CDKAL1: variants seen among roughly 807,000 people sequenced by gnomAD.
CDKAL1 encodes the protein CDKAL1 threonylcarbamoyladenosine tRNA methylthiotransferase.
CDKAL1 carries 32 observed loss-of-function variants against 68.2 expected under a neutral mutation model. That is an observed-to-expected ratio of 0.47 (90% CI 0.35 to 0.63). CDKAL1 has a LOEUF of 0.63. CDKAL1 is among the 30% of genes least tolerant of loss of function. The pLI, the probability that CDKAL1 is intolerant of heterozygous loss-of-function variation, is 0.00. For missense variants in CDKAL1, 606 were observed against 696.7 expected (o/e 0.87, Z 1.47); for synonymous variants, 234 against 244.3 (o/e 0.96, Z 0.39).
chr6:21,139,743 A>G (rs1775807966), intron 13 of CDKAL1, among the ~76,000 whole-genome samples: 1 of 152,156 alleles, frequency 6.6e-6, no homozygotes, highest in Non-Finnish European at 1.5e-5. Context: ...CCTGGACTCA[A>G]GCAGTCCTCC....
intron 10 of CDKAL1, among the ~76,000 whole-genome samples, chr6:20,989,670 G>A (rs1766687203): frequency 6.6e-6 from 1 of 152,128 alleles, no homozygotes; most frequent in African/African-American, 2.4e-5. Flanking sequence ...TTTCTTAAAT[G>A]GAACAAAGGC....
intron 13 of CDKAL1, among the ~76,000 whole-genome samples, chr6:21,177,639 G>A (rs1424429988): frequency 6.6e-6 from 1 of 150,474 alleles, no homozygotes; most frequent in Non-Finnish European, 1.5e-5. Context: ...ACCTGGTTGG[G>A]TATTATTTAA....
chr6:20,769,859 A>C (rs560292938), intron 7 of CDKAL1, among the ~76,000 whole-genome samples: 1 of 152,300 alleles, frequency 6.6e-6, no homozygotes, highest in East Asian at 1.9e-4. Context: ...GCAGCAGTGT[A>C]CTATAATTTG....
chr6:21,210,950 C>G (rs910844028), intron 15 of CDKAL1, among the ~76,000 whole-genome samples: 1 of 152,184 alleles, frequency 6.6e-6, no homozygotes, highest in Non-Finnish European at 1.5e-5. Context: ...GCCCCATGCC[C>G]CATCTGCTTC....
intron 4 of CDKAL1, among the ~76,000 whole-genome samples, chr6:20,620,040 C>T (rs1581837144): frequency 1.3e-5 from 2 of 152,134 alleles, no homozygotes; most frequent in South Asian, 2.1e-4. Flanking sequence ...TCTGTGCAAG[C>T]GAACTCACGT....
At chr6:21,128,086 T>C (rs1775110718) in intron 13 of CDKAL1, among the ~76,000 whole-genome samples, 1 of 152,240 alleles carries the variant, frequency 6.6e-6, no homozygotes, top group Admixed American at 6.5e-5. Flanking sequence ...ACTTACAAGT[T>C]TTCTTTTGAC....
chr6:21,091,521 C>A (rs1172738927), intron 12 of CDKAL1, among the ~76,000 whole-genome samples: 1 of 152,170 alleles, frequency 6.6e-6, no homozygotes, highest in Non-Finnish European at 1.5e-5. Flanking sequence ...ATTCCCTCCC[C>A]AGCTCAGGCG....
At chr6:20,913,116 TACACACAC>T (rs70990080) in intron 9 of CDKAL1, among the ~76,000 whole-genome samples, 23,263 of 136,378 alleles carry the variant, frequency 0.17, 2,027 homozygotes, top group East Asian at 0.32. Flanking sequence ...CACAGTTGTT[TACACACAC>T]ACACACACAC....
At chr6:21,021,182 T>C (rs1374776892) in intron 11 of CDKAL1, among the ~76,000 whole-genome samples, 1 of 152,218 alleles carries the variant, frequency 6.6e-6, no homozygotes, top group East Asian at 1.9e-4. Flanking sequence ...ATCTTTGTGG[T>C]ATGTGGACCA....
intron 4 of CDKAL1, among the ~76,000 whole-genome samples, chr6:20,568,177 C>T (rs1327605433): frequency 2.0e-5 from 3 of 151,922 alleles, no homozygotes; most frequent in African/African-American, 7.2e-5. Context: ...GTGCCCAGCA[C>T]CCAGCTAATT....
intron 12 of CDKAL1, among the ~76,000 whole-genome samples, chr6:21,104,912 C>T (rs1184030318): frequency 6.6e-6 from 1 of 152,216 alleles, no homozygotes; most frequent in Admixed American, 6.5e-5. Flanking sequence ...TCCTTTTCCA[C>T]CTGCCAATGC....
chr6:20,982,164 T>C (rs966756444), intron 10 of CDKAL1, among the ~76,000 whole-genome samples: 7 of 151,934 alleles, frequency 4.6e-5, no homozygotes, highest in African/African-American at 1.7e-4. Context: ...CCTCCCGGGC[T>C]CAAGCAATCC....
chr6:20,561,079 G>A (rs1764246272), intron 4 of CDKAL1, among the ~76,000 whole-genome samples: 1 of 152,038 alleles, frequency 6.6e-6, no homozygotes, highest in Admixed American at 6.6e-5. Flanking sequence ...TTTTTATGAT[G>A]TGTGAGTTCT....
At position 20,976,232 on chromosome 6, in the gene CDKAL1, T is replaced by C. The variant is rs535723109; in HGVS notation, c.909+20647T>C. Among the ~76,000 whole-genome samples the C allele has an allele frequency of 3.3e-5, 5 of 152,358 alleles. No homozygotes were observed. In the East Asian group the frequency reaches 9.6e-4, roughly 29 times the overall value. ...TTTAGTGCTGAATAATATTCCATTGTCTGAATGTATCACAACTTATCACTA... is the reference window on the plus strand; with the variant it reads ...TTTAGTGCTGAATAATATTCCATTGCCTGAATGTATCACAACTTATCACTA... On this transcript the variant is annotated intron_variant, in intron 10 of 15. Coordinates refer to ENST00000274695, the MANE Select transcript of CDKAL1 (RefSeq NM_017774.3).
At chr6:20,802,973 C>T (rs983056177) in intron 8 of CDKAL1, among the ~76,000 whole-genome samples, 11 of 152,242 alleles carry the variant, frequency 7.2e-5, no homozygotes, top group African/African-American at 2.6e-4. Context: ...TGACAGATGT[C>T]AGGATTATTT....
intron 9 of CDKAL1, among the ~76,000 whole-genome samples, chr6:20,881,832 T>G (rs569468657): frequency 1.3e-5 from 2 of 152,320 alleles, no homozygotes; most frequent in Admixed American, 6.5e-5. Flanking sequence ...ATTCATATAC[T>G]TTAAAATGCA....
At chr6:20,723,689 A>G (rs1772500675) in intron 5 of CDKAL1, 1 of 154,640 alleles carries the variant, frequency 6.5e-6, no homozygotes, top group Non-Finnish European at 1.4e-5. Flanking sequence ...AGAAAGAAAA[A>G]TGAGTTTTTT....
At chr6:21,076,912 G>A (rs1439573698) in intron 12 of CDKAL1, among the ~76,000 whole-genome samples, 1 of 151,934 alleles carries the variant, frequency 6.6e-6, no homozygotes, top group African/African-American at 2.4e-5. Context: ...TGTTGTATCT[G>A]GATTTCAGCA....
At chr6:21,059,283 C>T (rs1239884533) in intron 11 of CDKAL1, among the ~76,000 whole-genome samples, 2 of 152,356 alleles carry the variant, frequency 1.3e-5, no homozygotes, top group East Asian at 1.9e-4. Flanking sequence ...AAACAGAAGA[C>T]TGATGCTGCA....
Sources: gnomAD v4.1 joint callset for allele counts (sites outside exome capture counted in the v4.1 genomes callset) on GRCh38, gnomAD v4.1.1 for gene constraint, MANE v1.5 for transcripts, NCBI Gene and HGNC (gene_info 2026-07-23, HGNC 2026-07-21) for gene names.